PRKCB: variants seen among roughly 807,000 people sequenced by gnomAD.
The protein encoded by PRKCB is protein kinase C beta type.
In PRKCB, 13 loss-of-function variants were observed where a neutral mutation model predicts 81.5. The observed-to-expected ratio is 0.16, with a 90% CI of 0.10 to 0.25. The LOEUF is 0.25. Among genes scored for constraint, PRKCB ranks in the 10% least tolerant of loss-of-function variants. The pLI is 1.00. For synonymous variants in PRKCB, 335 were observed against 321.4 expected (o/e 1.04, Z -0.45); for missense variants, 509 against 875.7 (o/e 0.58, Z 5.29).
In PRKCB at chr16:23,914,301, T is replaced by C. The variant is rs536690074; in HGVS notation, c.206-74207T>C. ...AACAGCTGAAATATCCCTAGGCTTT[T>C]AAGCCTCAGTTACTTAATCAACACA... On this transcript the variant is annotated intron_variant, in intron 2 of 16. Transcript: ENST00000643927. Among the ~76,000 whole-genome samples the C allele has an allele frequency of 3.1e-4, 47 of 152,378 alleles. 1 individual carries two copies. The East Asian group carries it at 6.0e-3, about 19-fold the overall frequency.
intron 1 of PRKCB, chr16:23,837,143 G>T (rs1023303523): frequency 4.9e-6 from 3 of 606,604 alleles, no homozygotes; most frequent in African/African-American, 1.9e-5. Flanking sequence ...CCACTATCCC[G>T]CCACCTGGTG....
intron 3 of PRKCB, among the ~76,000 whole-genome samples, chr16:24,009,346 A>G (rs549788261): frequency 3.3e-5 from 5 of 152,316 alleles, no homozygotes; most frequent in Admixed American, 2.6e-4. Context: ...GAAAATTTAA[A>G]AAGCTAAACA....
At chr16:23,937,253 G>A (rs144188457) in intron 2 of PRKCB, among the ~76,000 whole-genome samples, 5 of 152,294 alleles carry the variant, frequency 3.3e-5, no homozygotes, top group African/African-American at 9.6e-5. Flanking sequence ...CTTCCCAAGC[G>A]ATGCTTCTGT....
chr16:23,839,088 CTT>C (rs1962219689), intron 2 of PRKCB, among the ~76,000 whole-genome samples: 1 of 152,144 alleles, frequency 6.6e-6, no homozygotes, highest in African/African-American at 2.4e-5. Flanking sequence ...TACCACGGAT[CTT>C]CTATGCCACC....
intron 5 of PRKCB, among the ~76,000 whole-genome samples, chr16:24,045,356 G>A (rs9923792): frequency 0.1 from 15,688 of 151,976 alleles, 911 homozygotes; most frequent in African/African-American, 0.14. Context: ...TTGTGAGCTG[G>A]GCCTGTTCTC....
chr16:24,129,712 A>ATCAG (rs1567385715), intron 9 of PRKCB, among the ~76,000 whole-genome samples: 1 of 58,348 alleles, frequency 1.7e-5, no homozygotes, highest in Non-Finnish European at 3.2e-5. Context: ...TCTACGTATC[A>ATCAG]TCAATCAATC....
Position 23,876,292 on chromosome 16 carries a change from A to G in PRKCB, c.205+38886A>G, listed in dbSNP as rs118190634. Among the ~76,000 whole-genome samples the G allele has an allele frequency of 5.2e-4, 79 of 152,352 alleles. 1 individual carries two copies. In the East Asian group the frequency reaches 8.7e-3, roughly 17 times the overall value. On this transcript the variant is annotated intron_variant, in intron 2 of 16. Transcript: ENST00000643927. Reference sequence around the variant, plus strand: ...AAGTGCCACAAAGACAAATTGTATTAAGTAGTACCATGTGGCTGTGGAAGT... The same window carrying G: ...AAGTGCCACAAAGACAAATTGTATTGAGTAGTACCATGTGGCTGTGGAAGT...
chr16:23,886,233 A>T (rs1216473966), intron 2 of PRKCB, among the ~76,000 whole-genome samples: 1 of 152,052 alleles, frequency 6.6e-6, no homozygotes, highest in Non-Finnish European at 1.5e-5. Context: ...TGACTTGCAG[A>T]TGGATCAAGG....
At position 24,218,997 on chromosome 16, in the gene PRKCB, G is replaced by A. The variant is rs148593800; in HGVS notation, c.*4181G>A. 1.2e-4 allele frequency: 116 copies of A among 985,360 alleles called. 1 individual carries two copies. In the African/African-American group the frequency reaches 1.8e-3, roughly 15 times the overall value. The allele number at this position is 985,360 out of a possible 1,614,324, so 61.0% of individuals were successfully genotyped here. A position where few individuals can be genotyped will look rare whatever the true frequency, so the allele number is the denominator to read the frequency against. ...GTTCTCTCATATGTCATATATAGGA[G>A]GTGAGGACTCCAGCTCCACCTGCCC... is the stretch of plus-strand genomic sequence containing the variant. On this transcript the variant is annotated 3_prime_UTR_variant, in exon 17 of 17. Transcript: ENST00000643927.
intron 2 of PRKCB, among the ~76,000 whole-genome samples, chr16:23,861,604 A>G (rs1962665791): frequency 6.6e-6 from 1 of 152,192 alleles, no homozygotes; most frequent in African/African-American, 2.4e-5. Flanking sequence ...AAATGTGATC[A>G]GTGTCTCCCT....
Position 24,048,091 on chromosome 16 carries a change from C to T in PRKCB, c.529+12544C>T, listed in dbSNP as rs1038852849. Reference sequence around the variant, plus strand: ...TGCAGTCGCAGCTCCTGAGCAGCCTCGCTGTCTGGTTGGGTTCCATCTGCT... The same window carrying T: ...TGCAGTCGCAGCTCCTGAGCAGCCTTGCTGTCTGGTTGGGTTCCATCTGCT... On this transcript the variant is annotated intron_variant, in intron 5 of 16. Transcript: ENST00000643927. Among the ~76,000 whole-genome samples the T allele has an allele frequency of 5.3e-5, 8 of 152,332 alleles. No individual in the cohort carries two copies. In the East Asian group the frequency reaches 9.6e-4, roughly 18 times the overall value.
At chr16:24,000,931 G>C (rs1965025251) in intron 3 of PRKCB, among the ~76,000 whole-genome samples, 1 of 151,860 alleles carries the variant, frequency 6.6e-6, no homozygotes, top group Non-Finnish European at 1.5e-5. Context: ...ATAACTTTAA[G>C]TTCTGTGACC....
intron 9 of PRKCB, among the ~76,000 whole-genome samples, chr16:24,124,867 C>T (rs985382174): frequency 1.1e-4 from 16 of 152,278 alleles, no homozygotes; most frequent in African/African-American, 1.7e-4. Flanking sequence ...CACCGCCCCC[C>T]ACAGCCATGT....
At chr16:24,060,314 C>A (rs74013112) in intron 5 of PRKCB, among the ~76,000 whole-genome samples, 8,663 of 152,154 alleles carry the variant, frequency 0.057, 841 homozygotes, top group African/African-American at 0.2. Flanking sequence ...AAGAATGTCT[C>A]TCAGGGCCTT....
intron 2 of PRKCB, among the ~76,000 whole-genome samples, chr16:23,858,280 G>A (rs546584829): frequency 6.7e-6 from 1 of 150,276 alleles, no homozygotes; most frequent in African/African-American, 2.5e-5. Flanking sequence ...ACTGCAGAGC[G>A]TAGATTGAAT....
chr16:23,946,157 C>T (rs1457815126), intron 2 of PRKCB, among the ~76,000 whole-genome samples: 2 of 152,140 alleles, frequency 1.3e-5, no homozygotes, highest in African/African-American at 4.8e-5. Context: ...TTCTAAGATT[C>T]GTGCCTTCTC....
intron 13 of PRKCB, among the ~76,000 whole-genome samples, chr16:24,183,729 G>C (rs1444855456): frequency 1.3e-5 from 2 of 152,140 alleles, no homozygotes; most frequent in African/African-American, 2.4e-5. Context: ...TTCTCCTGTG[G>C]TCAGACAGCC....
intron 10 of PRKCB, among the ~76,000 whole-genome samples, chr16:24,163,820 C>T (rs1023118018): frequency 6.6e-6 from 1 of 152,222 alleles, no homozygotes; most frequent in African/African-American, 2.4e-5. Flanking sequence ...TCATTACCCC[C>T]TTTTGGGAAG....
At chr16:23,971,397 G>C (rs1454699123) in intron 2 of PRKCB, among the ~76,000 whole-genome samples, 2 of 152,274 alleles carry the variant, frequency 1.3e-5, no homozygotes, top group East Asian at 3.9e-4. Flanking sequence ...TGGTGTGATG[G>C]TTCCTCTCCA....
Sources: gnomAD v4.1 joint callset for allele counts (sites outside exome capture counted in the v4.1 genomes callset) on GRCh38, gnomAD v4.1.1 for gene constraint, MANE v1.5 for transcripts, NCBI Gene and HGNC (gene_info 2026-07-23, HGNC 2026-07-21) for gene names.